Variants in SHISA6 observed in about 807,000 individuals in gnomAD.
The protein encoded by SHISA6 is shisa family member 6, also known as protein shisa-6.
A neutral mutation model predicts 47.9 loss-of-function variants in SHISA6; 22 were observed. The ratio of observed to expected loss-of-function variants is 0.46; its 90% CI spans 0.33 to 0.66. The LOEUF is 0.66. SHISA6 is among the 30% of genes least tolerant of loss of function. The pLI, the probability that SHISA6 is intolerant of heterozygous loss-of-function variation, is 0.02. For synonymous variants in SHISA6, 388 were observed against 337.8 expected, an observed-to-expected ratio of 1.15 and a Z score of -1.63; for missense variants, 680 against 764.6, an observed-to-expected ratio of 0.89 and a Z score of 1.30.
chr17:11,362,569 T>C (rs1419929338), intron 2 of SHISA6, among the ~76,000 whole-genome samples: 2 of 152,226 alleles, frequency 1.3e-5, no homozygotes, highest in African/African-American at 4.8e-5. Flanking sequence ...CCACAGCCTT[T>C]GGAGTAAAAC....
At chr17:11,296,172 A>G (rs1909746097) in intron 2 of SHISA6, among the ~76,000 whole-genome samples, 1 of 152,080 alleles carries the variant, frequency 6.6e-6, no homozygotes. Flanking sequence ...GCAGGAAGGG[A>G]CAATAGGAAG....
At chr17:11,482,481 A>C (rs921863067) in intron 3 of SHISA6, among the ~76,000 whole-genome samples, 2 of 152,238 alleles carry the variant, frequency 1.3e-5, no homozygotes, top group African/African-American at 4.8e-5. Flanking sequence ...AGATACATAA[A>C]AATCTAAAAA....
Position 11,250,207 on chromosome 17 carries a change from C to T in SHISA6, c.638+8147C>T, listed in dbSNP as rs377061518. On this transcript the variant is annotated intron_variant, in intron 1 of 5. Transcript: ENST00000441885. The stretch of plus-strand genomic sequence containing the variant: ...AGTTTGATACTGAGGGTAAAAGGAC[C>T]CAGTTTTACGGGATGTATGCAGTGA... Among the ~76,000 whole-genome samples, 6 of 152,100 alleles carry T rather than the reference C, an allele frequency of 3.9e-5. No individual in the cohort carries two copies. In the South Asian group the frequency reaches 6.2e-4, roughly 16 times the overall value.
In SHISA6 at chr17:11,563,038, A is replaced by G. The variant is rs1280537026; in HGVS notation, c.*4734A>G. On this transcript the variant is annotated 3_prime_UTR_variant, in exon 6 of 6. Transcript: ENST00000441885. Reference sequence around the variant, plus strand: ...GACTGTGGAATTCTGGGGAATTCTGAGTTTGGAGTTTCCATTTGGATACGG... The same window carrying G: ...GACTGTGGAATTCTGGGGAATTCTGGGTTTGGAGTTTCCATTTGGATACGG... The G allele has an allele frequency of 6.6e-6, 1 of 152,258 alleles. No homozygotes were observed. Among genetic ancestry groups the G allele is most frequent in the African/African-American group, 2.4e-5 (1 of 41,454 alleles). The allele number at this position is 152,258 out of a possible 1,614,324, so 9.4% of individuals were successfully genotyped here.
chr17:11,506,532 C>G (rs1451346525), intron 3 of SHISA6, among the ~76,000 whole-genome samples: 1 of 152,120 alleles, frequency 6.6e-6, no homozygotes. Flanking sequence ...TGAGAACTGA[C>G]AGAGGATTGA....
chr17:11,519,391 A>G (rs574258989), intron 3 of SHISA6, among the ~76,000 whole-genome samples: 28 of 152,378 alleles, frequency 1.8e-4, no homozygotes, highest in Non-Finnish European at 3.4e-4. Context: ...CAGTCACAAA[A>G]GAACAAAAAT....
intron 3 of SHISA6, among the ~76,000 whole-genome samples, chr17:11,459,559 T>G (rs1915646345): frequency 6.6e-6 from 1 of 152,144 alleles, no homozygotes; most frequent in Non-Finnish European, 1.5e-5. Context: ...AATCAAGACC[T>G]CTTTCTGCCT....
intron 5 of SHISA6, 41 bp downstream of exon 5, chr17:11,555,933 C>A (rs2071974580): frequency 6.1e-6 from 9 of 1,478,154 alleles, no homozygotes; most frequent in Non-Finnish European, 7.2e-6. Context: ...GTCTCTGGGG[C>A]TCCAAGATAT....
intron 2 of SHISA6, among the ~76,000 whole-genome samples, chr17:11,271,022 G>A (rs908670104): frequency 6.6e-6 from 1 of 152,166 alleles, no homozygotes; most frequent in African/African-American, 2.4e-5. Flanking sequence ...AGGGCCCAGG[G>A]TCTCTAGGGT....
At chr17:11,274,530 C>T (rs776438287) in intron 2 of SHISA6, among the ~76,000 whole-genome samples, 24 of 136,842 alleles carry the variant, frequency 1.8e-4, no homozygotes, top group Non-Finnish European at 2.9e-4. Context: ...GGAGCTCTCA[C>T]CAGGAGGGAG....
chr17:11,312,553 A>C (rs940440077), intron 2 of SHISA6, among the ~76,000 whole-genome samples: 2 of 152,234 alleles, frequency 1.3e-5, no homozygotes, highest in African/African-American at 4.8e-5. Context: ...TCCTAGATCA[A>C]TGATTCCTTA....
rs549328657 is a variant in SHISA6, at chr17:11,459,150, T to C, written c.895+79641T>C. On this transcript the variant is annotated intron_variant, in intron 3 of 5. Transcript: ENST00000441885. ...AGGAGAATGGCATGAACCTGGGAGGTGGAGCTTGCAGTGAGCCAAAATCGC... is the reference window on the plus strand; with the variant it reads ...AGGAGAATGGCATGAACCTGGGAGGCGGAGCTTGCAGTGAGCCAAAATCGC... Among the ~76,000 whole-genome samples, 7 of 139,446 alleles carry C rather than the reference T, an allele frequency of 5.0e-5. 1 individual carries two copies. Among genetic ancestry groups the C allele is most frequent in the African/African-American group, 1.9e-4 (7 of 36,486 alleles). The allele number at this position is 139,446 out of a possible 152,430, so 91.5% of individuals were successfully genotyped here.
chr17:11,241,220 C>A lies in SHISA6; in HGVS notation c.-203C>A. On this transcript the variant is annotated 5_prime_UTR_variant, in exon 1 of 6. Coordinates refer to ENST00000441885, the MANE Select transcript of SHISA6 (RefSeq NM_207386.4). The surrounding 1 kb of genome is among the most constrained non-coding windows in gnomAD (Gnocchi z 5.5). ...GGAGCCGGCGCGCAGCCTGAGAGCC[C>A]GAGCAGCCCGCGCCGGGCCGGTCCG... 1 of 155,256 alleles carries A rather than the reference C, an allele frequency of 6.4e-6. No homozygotes were observed. The highest frequency in any genetic ancestry group is 1.8e-4 in the South Asian group (1 of 5,678). The allele number at this position is 155,256 out of a possible 1,614,324, so 9.6% of individuals were successfully genotyped here. A position where few individuals can be genotyped will look rare whatever the true frequency, so the allele number is the denominator to read the frequency against.
chr17:11,267,486 A>G (rs985733578), intron 2 of SHISA6, among the ~76,000 whole-genome samples: 2 of 152,180 alleles, frequency 1.3e-5, no homozygotes, highest in African/African-American at 2.4e-5. Flanking sequence ...GAAAATACCA[A>G]TGCCTGCCCC....
At chr17:11,521,522 G>A (rs2071629119) in intron 3 of SHISA6, among the ~76,000 whole-genome samples, 2 of 152,156 alleles carry the variant, frequency 1.3e-5, no homozygotes, top group Non-Finnish European at 2.9e-5. Context: ...AGTGGTTCAC[G>A]CCTGTAATCT....
intron 3 of SHISA6, among the ~76,000 whole-genome samples, chr17:11,449,736 G>A (rs1915332827): frequency 6.6e-6 from 1 of 152,170 alleles, no homozygotes; most frequent in Admixed American, 6.5e-5. Context: ...TCCACACCTG[G>A]TTCCTTCTGA....
intron 2 of SHISA6, among the ~76,000 whole-genome samples, chr17:11,294,890 G>A (rs1354001281): frequency 6.6e-6 from 1 of 152,196 alleles, no homozygotes; most frequent in African/African-American, 2.4e-5. Flanking sequence ...GCACTTTACA[G>A]CTTCTCTTTG....
intron 2 of SHISA6, among the ~76,000 whole-genome samples, chr17:11,311,058 G>T (rs1360697458): frequency 7.4e-6 from 1 of 136,028 alleles, no homozygotes; most frequent in Non-Finnish European, 1.5e-5. Flanking sequence ...AGTGAGCTGA[G>T]ATTGCGCCAC....
rs563442417 is a variant in SHISA6, at chr17:11,341,953, C to T, written c.800-37461C>T. On this transcript the variant is annotated intron_variant, in intron 2 of 5. Transcript: ENST00000441885. Reference sequence around the variant, plus strand: ...GGGAGAAGAGGTGTCTGGGGCCAGCCCAGAGATGACAGCCCTCTGCAGCCC... The same window carrying T: ...GGGAGAAGAGGTGTCTGGGGCCAGCTCAGAGATGACAGCCCTCTGCAGCCC... Among the ~76,000 whole-genome samples the T allele has an allele frequency of 2.6e-5, 4 of 152,084 alleles. No homozygotes were observed. The South Asian group carries it at 8.3e-4, about 32-fold the overall frequency.
Sources: allele counts gnomAD v4.1 joint callset (sites outside exome capture counted in the v4.1 genomes callset), GRCh38; gene constraint gnomAD v4.1.1; non-coding constraint Gnocchi (gnomAD v3.1); transcripts MANE v1.5; gene names NCBI Gene and HGNC (gene_info 2026-07-23, HGNC 2026-07-21).